Variants in MRPL42 observed in about 807,000 individuals in gnomAD.
MRPL42 encodes the protein mitochondrial ribosomal protein L42.
MRPL42 carries 17 observed loss-of-function variants against 17.9 expected under a neutral mutation model. That is an observed-to-expected ratio of 0.95 (90% confidence interval 0.65 to 1.42). MRPL42 has a LOEUF of 1.42. Ranked by LOEUF, MRPL42 falls within the 40% of genes most tolerant of loss-of-function variation. The pLI is 0.00. For missense variants in MRPL42, 177 were observed against 175.2 expected (o/e 1.01, Z -0.06); for synonymous variants, 59 against 54.4 (o/e 1.08, Z -0.37).
rs1326638215 is a variant in MRPL42, at chr12:93,505,700, C to G, written c.*4479C>G. ...TCAGGAACAATATGTAATGTGCTTT[C>G]TAGTTTTGCACAAAGGCATTCATTT... On this transcript the variant is annotated 3_prime_UTR_variant, in exon 6 of 6. Coordinates refer to ENST00000549982, the MANE Select transcript of MRPL42 (RefSeq NM_014050.4). The G allele has an allele frequency of 6.6e-6, 1 of 152,126 alleles. No homozygotes were observed. The highest frequency in any genetic ancestry group is 2.4e-5 in the African/African-American group (1 of 41,440). The allele number at this position is 152,126 out of a possible 1,614,324, so 9.4% of individuals were successfully genotyped here. A position where few individuals can be genotyped will look rare whatever the true frequency, so the allele number is the denominator to read the frequency against.
At chr12:93,470,538 GT>G in intron 2 of MRPL42, 1 of 1,294,526 alleles carries the variant, frequency 7.7e-7, no homozygotes, top group Non-Finnish European at 1.0e-6. Flanking sequence ...ATATACTGAG[GT>G]TTGGGCTTCA....
At chr12:93,476,599 C>T (rs1160812854) in intron 2 of MRPL42, among the ~76,000 whole-genome samples, 1 of 152,208 alleles carries the variant, frequency 6.6e-6, no homozygotes. Context: ...TCAATCCTTA[C>T]TTATTTTCTC....
chr12:93,475,723 A>G (rs1042155669), intron 2 of MRPL42, among the ~76,000 whole-genome samples: 1 of 152,070 alleles, frequency 6.6e-6, no homozygotes, highest in Non-Finnish European at 1.5e-5. Flanking sequence ...GGTGGCTCAC[A>G]CCTGTAATCC....
chr12:93,479,459 A>G lies in MRPL42; in HGVS notation c.206A>G (p.Tyr69Cys). 1 of 1,606,690 alleles carries G rather than the reference A, an allele frequency of 6.2e-7. No homozygotes were observed. Among genetic ancestry groups the G allele is most frequent in the Non-Finnish European group, 8.5e-7 (1 of 1,175,882 alleles). ...TACCACCCTTCTGTGGACATTCCATATGAACACACAAAAGTATGTATGAGA... is the reference window on the plus strand; with the variant it reads ...TACCACCCTTCTGTGGACATTCCATGTGAACACACAAAAGTATGTATGAGA... Reference protein sequence around the residue: ...VCYHPSVDIPYEHTKPIPRPD... With the variant: ...VCYHPSVDIPCEHTKPIPRPD... The change falls in exon 4 of 6, where the codon TAT (tyrosine) becomes TGT (cysteine). Residue 69 changes from tyrosine to cysteine, a missense_variant. Transcript: ENST00000549982.
At chr12:93,495,008 G>A (rs898545457) in intron 5 of MRPL42, among the ~76,000 whole-genome samples, 4 of 152,172 alleles carry the variant, frequency 2.6e-5, no homozygotes, top group African/African-American at 7.2e-5. Flanking sequence ...GTGGAGCTTC[G>A]TGAAGTTCAC....
intron 5 of MRPL42, among the ~76,000 whole-genome samples, chr12:93,494,463 CAA>C (rs1264978933): frequency 6.6e-6 from 1 of 152,116 alleles, no homozygotes; most frequent in African/African-American, 2.4e-5. Context: ...AGAGAGGAGT[CAA>C]GAGTGGTACC....
In MRPL42 at chr12:93,515,264, C is replaced by T. The variant is rs1450298327; in HGVS notation, c.*14043C>T. On this transcript the variant is annotated 3_prime_UTR_variant, in exon 6 of 6. Transcript: ENST00000549982. ...CACACCGTTAAGTGACTGATGGAGT[C>T]ATTCAGCTGACAAATGATAATGGCC... The T allele has an allele frequency of 6.6e-6, 1 of 151,818 alleles. No individual in the cohort carries two copies. Among genetic ancestry groups the T allele is most frequent in the Non-Finnish European group, 1.5e-5 (1 of 68,006 alleles). 9.4% of individuals were successfully genotyped at this position (151,818 alleles called of 1,614,324 possible). A position where few individuals can be genotyped will look rare whatever the true frequency, so the allele number is the denominator to read the frequency against.
intron 1 of MRPL42, among the ~76,000 whole-genome samples, chr12:93,467,761 C>T (rs529565333): frequency 1.3e-5 from 2 of 152,194 alleles, no homozygotes; most frequent in Non-Finnish European, 2.9e-5. Flanking sequence ...TGGCGGACGC[C>T]CGTGGGGAGG....
Position 93,514,271 on chromosome 12 carries a change from C to T in MRPL42, c.*13050C>T, listed in dbSNP as rs7296763. ...CCAATAATGATTGGACAGTTTTCTC[C>T]CTCTGCTTTTTCTTTCTTTCTTTCT... On this transcript the variant is annotated 3_prime_UTR_variant, in exon 6 of 6. Transcript: ENST00000549982. The T allele has an allele frequency of 0.67, 100,755 of 150,076 alleles. 34,132 individuals carry two copies. The highest frequency in any genetic ancestry group is 0.72 in the Middle Eastern group (210 of 290). The allele number at this position is 150,076 out of a possible 1,614,324, so 9.3% of individuals were successfully genotyped here. A position where few individuals can be genotyped will look rare whatever the true frequency, so the allele number is the denominator to read the frequency against.
At chr12:93,472,380 C>G (rs879313436) in intron 2 of MRPL42, among the ~76,000 whole-genome samples, 35 of 152,032 alleles carry the variant, frequency 2.3e-4, no homozygotes, top group Admixed American at 2.3e-3. Flanking sequence ...AGTTTGAGAC[C>G]AGGCTGGGCA....
chr12:93,474,279 T>G (rs937472616), intron 2 of MRPL42, among the ~76,000 whole-genome samples: 1 of 151,892 alleles, frequency 6.6e-6, no homozygotes, highest in Non-Finnish European at 1.5e-5. Context: ...TTTTTTTAAT[T>G]TATATTTTTT....
chr12:93,478,850 G>T (rs917769220), intron 3 of MRPL42, among the ~76,000 whole-genome samples: 1 of 151,876 alleles, frequency 6.6e-6, no homozygotes, highest in Non-Finnish European at 1.5e-5. Flanking sequence ...CTGTGTTATG[G>T]GTACCAGGTT....
At chr12:93,472,122 A>C (rs892263900) in intron 2 of MRPL42, among the ~76,000 whole-genome samples, 1 of 152,176 alleles carries the variant, frequency 6.6e-6, no homozygotes, top group African/African-American at 2.4e-5. Context: ...GAGATCTATC[A>C]GTGTTTGTTC....
chr12:93,491,429 T>C (rs530753252), intron 5 of MRPL42, among the ~76,000 whole-genome samples: 8 of 152,300 alleles, frequency 5.3e-5, no homozygotes, highest in African/African-American at 1.9e-4. Context: ...TGTAGAAATA[T>C]TTTGCCTATT....
chr12:93,484,856 C>G (rs1256981744), intron 4 of MRPL42, among the ~76,000 whole-genome samples: 1 of 149,342 alleles, frequency 6.7e-6, no homozygotes, highest in Non-Finnish European at 1.5e-5. Context: ...CCATGGCCTC[C>G]CAAAGTGCTG....
rs1394033675 is a variant in MRPL42 at position 93,470,528 on chromosome 12, A to G, written c.70+1173A>G. Reference sequence around the variant, plus strand: ...CAGGTTTGTTACGTGGATGTATTACATATACTGAGGTTTGGGCTTCAACTG... The same window carrying G: ...CAGGTTTGTTACGTGGATGTATTACGTATACTGAGGTTTGGGCTTCAACTG... On this transcript the variant is annotated intron_variant, in intron 2 of 5. Coordinates refer to ENST00000549982, the MANE Select transcript of MRPL42 (RefSeq NM_014050.4). The G allele has an allele frequency of 3.1e-6, 4 of 1,296,228 alleles. No individual in the cohort carries two copies. In the South Asian group the frequency reaches 3.8e-5, roughly 12 times the overall value. 80.3% of individuals were successfully genotyped at this position (1,296,228 alleles called of 1,614,324 possible).
Position 93,513,014 on chromosome 12 carries a change from TCCGA to T in MRPL42, c.*11796_*11799del. ...TAGTTTAAAAACTTTTTTTTCCCATTCCGACCATTATCCCTTTGTAAATCTGGTT... is the reference window on the plus strand; with the variant it reads ...TAGTTTAAAAACTTTTTTTTCCCATTCCATTATCCCTTTGTAAATCTGGTT... On this transcript the variant is annotated 3_prime_UTR_variant, in exon 6 of 6. Transcript: ENST00000549982. 6.6e-6 allele frequency: 1 copy of T among 152,136 alleles called. No individual in the cohort carries two copies. The highest frequency in any genetic ancestry group is 1.9e-4 in the East Asian group (1 of 5,204). 9.4% of individuals were successfully genotyped at this position (152,136 alleles called of 1,614,324 possible).
intron 5 of MRPL42, among the ~76,000 whole-genome samples, chr12:93,496,153 A>T (rs1953498184): frequency 6.6e-6 from 1 of 152,096 alleles, no homozygotes; most frequent in East Asian, 1.9e-4. Flanking sequence ...CCACCTCCTG[A>T]GTTCAAGCAA....
At chr12:93,491,703 G>A (rs945199527) in intron 5 of MRPL42, among the ~76,000 whole-genome samples, 2 of 152,110 alleles carry the variant, frequency 1.3e-5, no homozygotes, top group Non-Finnish European at 2.9e-5. Flanking sequence ...TTTGGAGTAT[G>A]ATTGAACCCA....
Sources: gnomAD v4.1 joint callset for allele counts (sites outside exome capture counted in the v4.1 genomes callset) on GRCh38, gnomAD v4.1.1 for gene constraint, MANE v1.5 for transcripts, NCBI Gene and HGNC (gene_info 2026-07-23, HGNC 2026-07-21) for gene names.